ELP3: variants seen among roughly 807,000 people sequenced by gnomAD.
ELP3 encodes elongator acetyltransferase complex subunit 3, also known as elongator complex protein 3.
In ELP3, 56 loss-of-function variants were observed where a neutral mutation model predicts 74.9. The observed-to-expected ratio is 0.75, with a 90% confidence interval of 0.60 to 0.93. The LOEUF (loss-of-function observed/expected upper bound fraction) is 0.93. ELP3 is among the 40% of genes least tolerant of loss of function. The probability of loss-of-function intolerance (pLI) is 0.00; values close to 1 mark genes in which losing one functional copy is unlikely to be tolerated. For missense variants in ELP3, 573 were observed against 686.5 expected (o/e 0.83, Z 1.85); for synonymous variants, 222 against 239.8 (o/e 0.93, Z 0.68).
chr8:28,155,219 AT>A (rs1381627332), intron 10 of ELP3, among the ~76,000 whole-genome samples: 2 of 152,234 alleles, frequency 1.3e-5, no homozygotes, highest in African/African-American at 4.8e-5. Flanking sequence ...TGTGCCGAGC[AT>A]ATTTTTACTT....
At chr8:28,181,565 C>T (rs1365033890) in intron 14 of ELP3, among the ~76,000 whole-genome samples, 1 of 152,232 alleles carries the variant, frequency 6.6e-6, no homozygotes, top group East Asian at 1.9e-4. Context: ...CATTGAAAAA[C>T]TGGACACAGA....
chr8:28,106,654 C>A, intron 3 of ELP3, 59 bp from the exon 4 acceptor site: 2 of 1,433,984 alleles, frequency 1.4e-6, no homozygotes, highest in Non-Finnish European at 2.0e-6. Context: ...GATAAGCACT[C>A]TGTGGAGTTT....
chr8:28,141,631 C>T (rs975212567), intron 10 of ELP3, among the ~76,000 whole-genome samples: 2 of 152,074 alleles, frequency 1.3e-5, no homozygotes, highest in Non-Finnish European at 2.9e-5. Context: ...ATTCTCAGGG[C>T]GTTGGGACAT....
intron 14 of ELP3, among the ~76,000 whole-genome samples, chr8:28,183,774 TG>T (rs772465314): frequency 9.9e-5 from 15 of 152,226 alleles, no homozygotes; most frequent in Non-Finnish European, 2.1e-4. Flanking sequence ...CTGAGGCCGC[TG>T]CATGGAGTGA....
intron 14 of ELP3, among the ~76,000 whole-genome samples, chr8:28,169,752 A>G (rs536350185): frequency 6.6e-6 from 1 of 152,330 alleles, no homozygotes; most frequent in South Asian, 2.1e-4. Flanking sequence ...CATCTCTAAC[A>G]AGGCTGTAGT....
intron 7 of ELP3, among the ~76,000 whole-genome samples, chr8:28,116,502 G>C (rs1812141937): frequency 6.6e-6 from 1 of 152,244 alleles, no homozygotes. Context: ...CCCTTTGGGA[G>C]GCCAAGGCGG....
At chr8:28,113,345 CT>C (rs1040568090) in intron 7 of ELP3, among the ~76,000 whole-genome samples, 172 bp downstream of exon 7, 2 of 151,692 alleles carry the variant, frequency 1.3e-5, no homozygotes, top group Non-Finnish European at 2.9e-5. Flanking sequence ...CTGAAATAAT[CT>C]TTTCCAGTGA....
In ELP3 at chr8:28,115,632, G is replaced by A. The variant is rs139197353; in HGVS notation, c.617+2459G>A. On this transcript the variant is annotated intron_variant, in intron 7 of 14. Coordinates refer to ENST00000256398, the MANE Select transcript of ELP3 (RefSeq NM_018091.6). ...TGTTCAGATTATCTCTGTTTTATGG[G>A]TGAGGAAGCTGAGGCACAGAGAGAT... Among the ~76,000 whole-genome samples the A allele has an allele frequency of 7.8e-4, 119 of 152,274 alleles. 1 individual carries two copies. In the East Asian group the frequency reaches 0.018, roughly 23 times the overall value.
At chr8:28,177,504 A>G (rs1814807951) in intron 14 of ELP3, among the ~76,000 whole-genome samples, 1 of 152,262 alleles carries the variant, frequency 6.6e-6, no homozygotes, top group African/African-American at 2.4e-5. Context: ...CCCAAAAGCA[A>G]TTAAAACAGT....
intron 9 of ELP3, 53 bp from the exon 10 acceptor site, chr8:28,137,645 C>T (rs1316464489): frequency 9.6e-6 from 15 of 1,558,138 alleles, no homozygotes; most frequent in Middle Eastern, 2.1e-4. Context: ...ATTTCACCCT[C>T]GGTGATCTCT....
upstream of ELP3, among the ~76,000 whole-genome samples, chr8:28,091,032 A>G (rs1585618065): frequency 6.8e-6 from 1 of 147,810 alleles, no homozygotes; most frequent in Admixed American, 6.9e-5. Context: ...TCAGCCTCCC[A>G]AGTAGCTGGG....
intron 7 of ELP3, among the ~76,000 whole-genome samples, chr8:28,121,783 C>T (rs1260449728): frequency 6.6e-6 from 1 of 152,176 alleles, no homozygotes; most frequent in Non-Finnish European, 1.5e-5. Context: ...ATGTCATCTG[C>T]AAGTACAGTG....
chr8:28,158,656 G>A (rs1447537165), intron 12 of ELP3, 23 bp downstream of exon 12: 1 of 1,598,330 alleles, frequency 6.3e-7, no homozygotes, highest in Admixed American at 1.7e-5. Context: ...ATGTCATAGA[G>A]GGCCTAGGTA....
In ELP3 at chr8:28,113,078, T is replaced by C. The variant is rs1275480845; in HGVS notation, c.522T>C (p.Phe174=). ...AGTTTATTGTGATGGGTGGAACGTTTATGGCCCTTCCAGAAGAATACAGAG... is the reference window on the plus strand; with the variant it reads ...AGTTTATTGTGATGGGTGGAACGTTCATGGCCCTTCCAGAAGAATACAGAG... The part of the protein sequence containing the change: ...KVEFIVMGGT[F]MALPEEYRDY... Residue 174 remains phenylalanine (F), a synonymous_variant, in exon 7 of 15, where the codon TTT becomes TTC. Coordinates refer to ENST00000256398, the MANE Select transcript of ELP3 (RefSeq NM_018091.6). 2 of 1,613,826 alleles carry C rather than the reference T, an allele frequency of 1.2e-6. No individual in the cohort carries two copies. The highest frequency in any genetic ancestry group is 1.7e-6 in the Non-Finnish European group (2 of 1,179,926).
intron 9 of ELP3, among the ~76,000 whole-genome samples, chr8:28,137,358 A>G (rs1396329035): frequency 6.6e-6 from 1 of 152,160 alleles, no homozygotes; most frequent in African/African-American, 2.4e-5. Flanking sequence ...AAACCTGAAG[A>G]TTAGCTAGAT....
At chr8:28,138,245 G>A (rs577088993) in intron 10 of ELP3, among the ~76,000 whole-genome samples, 45 of 152,210 alleles carry the variant, frequency 3.0e-4, no homozygotes, top group African/African-American at 9.9e-4. Context: ...GTGTGGCCGT[G>A]TGTGCAATCT....
chr8:28,137,915 A>G (rs1813058646), intron 10 of ELP3, 24 bp downstream of exon 10: 1 of 1,542,840 alleles, frequency 6.5e-7, no homozygotes, highest in African/African-American at 1.4e-5. Flanking sequence ...TTTTATTCCT[A>G]AAATAGTTGG....
intron 10 of ELP3, among the ~76,000 whole-genome samples, chr8:28,144,415 G>T (rs1317510395): frequency 6.6e-6 from 1 of 152,134 alleles, no homozygotes; most frequent in Non-Finnish European, 1.5e-5. Context: ...TTCAAGACCA[G>T]CCTGGGAAAC....
chr8:28,172,693 T>C (rs1483915695), intron 14 of ELP3, among the ~76,000 whole-genome samples: 1 of 152,094 alleles, frequency 6.6e-6, no homozygotes, highest in Non-Finnish European at 1.5e-5. Context: ...GTGGTGAAAA[T>C]GGGCAACCTT....
Sources: gnomAD v4.1 joint callset for allele counts (sites outside exome capture counted in the v4.1 genomes callset) on GRCh38, gnomAD v4.1.1 for gene constraint, MANE v1.5 for transcripts, NCBI Gene and HGNC (gene_info 2026-07-23, HGNC 2026-07-21) for gene names.